The following FBXO4 variants were observed in gnomAD, a reference collection of about 807,000 sequenced individuals.
The protein encoded by FBXO4 is F-box protein 4.
FBXO4 carries 36 observed loss-of-function variants against 43.7 expected under a neutral mutation model. That is an observed-to-expected ratio of 0.82 (90% CI 0.63 to 1.09). The LOEUF is 1.09. Ranked by LOEUF, FBXO4 falls within the 50% of genes least tolerant of loss-of-function variation. The pLI is 0.00. For synonymous variants in FBXO4, 180 were observed against 165.6 expected (o/e 1.09, Z -0.67); for missense variants, 435 against 474.1 (o/e 0.92, Z 0.77).
At chr5:41,948,137 CTTTTTT>C in the FBXO4 span, among the ~76,000 whole-genome samples, 1 of 138,054 alleles carries the variant, frequency 7.2e-6, no homozygotes. Context: ...TGGCTACAAT[CTTTTTT>C]TTTTTTTTTT....
the FBXO4 span, among the ~76,000 whole-genome samples, chr5:42,036,444 G>A: frequency 5.3e-5 from 8 of 152,076 alleles, no homozygotes; most frequent in African/African-American, 1.9e-4. Context: ...TGACCTGCAA[G>A]GCAAAAATGT....
At chr5:42,011,095 T>TGGG in the FBXO4 span, among the ~76,000 whole-genome samples, 1 of 152,274 alleles carries the variant, frequency 6.6e-6, no homozygotes, top group East Asian at 1.9e-4. Flanking sequence ...TCTATCCTGA[T>TGGG]GGGTATGAAT....
At chr5:41,954,784 C>T in the FBXO4 span, among the ~76,000 whole-genome samples, 33 of 152,004 alleles carry the variant, frequency 2.2e-4, 1 homozygote, top group African/African-American at 5.8e-4. Context: ...AAAAGGGAGA[C>T]GTCAGAAATT....
the FBXO4 span, among the ~76,000 whole-genome samples, chr5:42,014,384 A>G: frequency 6.6e-6 from 1 of 152,214 alleles, no homozygotes; most frequent in Non-Finnish European, 1.5e-5. Context: ...TAATTTAATA[A>G]CATTGAATAT....
At position 41,929,727 on chromosome 5, in the gene FBXO4, A is replaced by G; in HGVS notation, c.456A>G (p.Arg152=). 1 of 1,612,710 alleles carries G rather than the reference A, an allele frequency of 6.2e-7. No homozygotes were observed. Among genetic ancestry groups the G allele is most frequent in the Non-Finnish European group, 8.5e-7 (1 of 1,179,378 alleles). The change falls in exon 3 of 7, where the codon AGA becomes AGG. Residue 152 remains arginine (R), a synonymous_variant. Coordinates refer to ENST00000281623, the MANE Select transcript of FBXO4 (RefSeq NM_012176.3). The part of the protein sequence containing the change: ...VYRMCCPYTR[R]ASKSSRPMYG... ...GAATGTGCTGTCCATACACAAGAAGAGCTTCAAAATCCAGCCGTCCTATGT... is the reference window on the plus strand; with the variant it reads ...GAATGTGCTGTCCATACACAAGAAGGGCTTCAAAATCCAGCCGTCCTATGT...
chr5:41,942,036 T>C (rs1190559745), downstream of FBXO4, among the ~76,000 whole-genome samples: 2 of 152,108 alleles, frequency 1.3e-5, no homozygotes, highest in Non-Finnish European at 2.9e-5. Flanking sequence ...CTCAGCAATT[T>C]TAAGATTATA....
At chr5:42,039,927 C>T in the FBXO4 span, among the ~76,000 whole-genome samples, 1 of 152,022 alleles carries the variant, frequency 6.6e-6, no homozygotes, top group African/African-American at 2.4e-5. Flanking sequence ...AGCATCCTGC[C>T]CTGAGTTCCA....
chr5:41,949,865 A>T, the FBXO4 span, among the ~76,000 whole-genome samples: 4 of 152,166 alleles, frequency 2.6e-5, no homozygotes, highest in African/African-American at 9.7e-5. Flanking sequence ...ACCAAAACAG[A>T]TATATAGACC....
At chr5:41,999,026 T>C in the FBXO4 span, among the ~76,000 whole-genome samples, 2 of 149,072 alleles carry the variant, frequency 1.3e-5, no homozygotes, top group African/African-American at 2.5e-5. Context: ...ATGGTCCATA[T>C]ATGGACCACA....
the FBXO4 span, among the ~76,000 whole-genome samples, chr5:41,982,004 G>T: frequency 6.6e-6 from 1 of 151,396 alleles, no homozygotes; most frequent in Admixed American, 6.6e-5. Flanking sequence ...GCGGTGTTTG[G>T]TTTTTTGTCC....
the FBXO4 span, among the ~76,000 whole-genome samples, chr5:41,955,787 A>G: frequency 7.2e-5 from 11 of 152,150 alleles, no homozygotes. Flanking sequence ...AGAAAGAACC[A>G]CCAGAAAGAA....
Position 41,925,437 on chromosome 5 carries a change from T to C in FBXO4, c.128T>C (p.Val43Ala). Residue 43 changes from valine (V) to alanine (A), a missense_variant, in exon 1 of 7, where the codon GTG becomes GCG. Val to Ala is a moderately conservative substitution (Grantham distance 64, BLOSUM62 0). Transcript: ENST00000281623. ...TGGCAGTCAGTGAGCAAGGAGAGGGTGGCGCGTACGACCTCACGGGAGGAG... is the reference window on the plus strand; with the variant it reads ...TGGCAGTCAGTGAGCAAGGAGAGGGCGGCGCGTACGACCTCACGGGAGGAG... ...TFWQSVSKER[V>A]ARTTSREEVD... is the part of the protein sequence containing the mutation. The C allele has an allele frequency of 7.3e-7, 1 of 1,369,452 alleles. No individual in the cohort carries two copies. Among genetic ancestry groups the C allele is most frequent in the African/African-American group, 1.5e-5 (1 of 65,368 alleles). The allele number at this position is 1,369,452 out of a possible 1,614,324, so 84.8% of individuals were successfully genotyped here.
At chr5:42,023,974 A>C in the FBXO4 span, among the ~76,000 whole-genome samples, 4 of 151,980 alleles carry the variant, frequency 2.6e-5, no homozygotes, top group African/African-American at 9.7e-5. Flanking sequence ...TGTTGGCTGT[A>C]TATATACATG....
the FBXO4 span, among the ~76,000 whole-genome samples, chr5:41,989,921 C>A: frequency 6.6e-6 from 1 of 152,104 alleles, no homozygotes; most frequent in Non-Finnish European, 1.5e-5. Flanking sequence ...AAAACTAGGA[C>A]TGGGGAAATA....
At chr5:41,968,253 G>C in the FBXO4 span, 1 of 180,090 alleles carries the variant, frequency 5.6e-6, no homozygotes, top group African/African-American at 2.4e-5. Flanking sequence ...GAGCTCGTCC[G>C]AGGGAGTTCA....
At chr5:41,943,813 T>G (rs542683169), downstream of FBXO4, among the ~76,000 whole-genome samples, 1 of 152,170 alleles carries the variant, frequency 6.6e-6, no homozygotes, top group Non-Finnish European at 1.5e-5. Context: ...CACCTCACAA[T>G]GTGACTGTAT....
At chr5:41,964,532 C>T in the FBXO4 span, among the ~76,000 whole-genome samples, 1 of 148,738 alleles carries the variant, frequency 6.7e-6, no homozygotes, top group African/African-American at 2.5e-5. Context: ...GCTGAAAATT[C>T]TTTGGTGGAA....
the FBXO4 span, among the ~76,000 whole-genome samples, chr5:41,998,734 C>T: frequency 1.3e-5 from 2 of 152,144 alleles, no homozygotes; most frequent in Non-Finnish European, 2.9e-5. Context: ...AAATGTTCAT[C>T]ACAGTTTACA....
the FBXO4 span, among the ~76,000 whole-genome samples, chr5:42,011,832 A>C: frequency 6.6e-6 from 1 of 152,208 alleles, no homozygotes; most frequent in East Asian, 1.9e-4. Flanking sequence ...AATGGCTTCT[A>C]TCATTTATAG....
Sources: allele counts gnomAD v4.1 joint callset (sites outside exome capture counted in the v4.1 genomes callset), GRCh38; gene constraint gnomAD v4.1.1; transcripts MANE v1.5; gene names NCBI Gene and HGNC (gene_info 2026-07-23, HGNC 2026-07-21).